Variants in ARHGEF39 observed in about 807,000 individuals in gnomAD.
ARHGEF39 encodes the protein Rho guanine nucleotide exchange factor 39.
In ARHGEF39, 45 loss-of-function variants were observed where a neutral mutation model predicts 47.5. The observed-to-expected ratio is 0.95, with a 90% confidence interval of 0.75 to 1.22. ARHGEF39 has a LOEUF of 1.22. Ranked by LOEUF, ARHGEF39 falls within the 50% of genes most tolerant of loss-of-function variation. The pLI is 0.00. For synonymous variants in ARHGEF39, 164 were observed against 167.8 expected, an observed-to-expected ratio of 0.98 and a Z score of 0.17; for missense variants, 411 against 425.3, an observed-to-expected ratio of 0.97 and a Z score of 0.30.
Position 35,661,459 on chromosome 9 carries a change from T to G in ARHGEF39, c.*528A>C. The G allele has an allele frequency of 6.4e-6, 3 of 469,036 alleles. No individual in the cohort carries two copies. The East Asian group carries it at 9.8e-5, about 15-fold the overall frequency. 29.1% of individuals were successfully genotyped at this position (469,036 alleles called of 1,614,324 possible). A position where few individuals can be genotyped will look rare whatever the true frequency, so the allele number is the denominator to read the frequency against. On this transcript the variant is annotated 3_prime_UTR_variant, in exon 9 of 9. Transcript: ENST00000378387. The stretch of plus-strand genomic sequence containing the variant: ...TTTCCCAAAAAAAAGAAAAAAAACT[T>G]TACTCAAATCCAGTGGAAAAATAAA...
intron 5 of ARHGEF39, 93 bp downstream of exon 5, chr9:35,663,229 T>C (rs761453065): frequency 9.0e-6 from 14 of 1,559,440 alleles, no homozygotes; most frequent in Non-Finnish European, 1.2e-5. Context: ...CAGTGGAAGA[T>C]AGGGTCATAC....
chr9:35,660,688 T>G lies in ARHGEF39; in HGVS notation c.*1299A>C, dbSNP rs761413390. The G allele has an allele frequency of 5.2e-5, 84 of 1,613,746 alleles. No homozygotes were observed. Among genetic ancestry groups the G allele is most frequent in the Non-Finnish European group, 6.9e-5 (81 of 1,179,794 alleles). On this transcript the variant is annotated 3_prime_UTR_variant, in exon 9 of 9. Transcript: ENST00000378387. ...ATTCTGTGAATTTTTGGGGAATTTG[T>G]GGCAGGAGGGAGGAATGGGGACATA... is the stretch of plus-strand genomic sequence containing the variant.
In ARHGEF39 at chr9:35,664,803, C is replaced by G. The variant is rs1274362927; in HGVS notation, c.186G>C (p.Glu62Asp). ...CCCAGGAGCCAAACAGGGCCTGGCG[C>G]TCAGGTGGTCGCAGGGTCCCCTTGG... is the stretch of plus-strand genomic sequence containing the variant. ...LKAKGTLRPP[E>D]RQALFGSWEL... Residue 62 changes from glutamate to aspartate, a missense_variant, in exon 2 of 9, where the codon GAG becomes GAC. Transcript: ENST00000378387. The G allele has an allele frequency of 6.2e-7, 1 of 1,612,418 alleles. No homozygotes were observed. The highest frequency in any genetic ancestry group is 1.7e-5 in the Admixed American group (1 of 60,034).
rs2131825839 is a variant in ARHGEF39, at chr9:35,664,079, C to T, written c.402G>A (p.Gln134=). The change falls in exon 4 of 9, where the codon CAG becomes CAA. Residue 134 remains glutamine, a synonymous_variant. Transcript: ENST00000378387. ...GGCCCCCAAACTCAGGGCGGCCTTCCTGAAGCCGTACAAACCTCCGGAAAC... is the reference window on the plus strand; with the variant it reads ...GGCCCCCAAACTCAGGGCGGCCTTCTTGAAGCCGTACAAACCTCCGGAAAC... ...NKGFRRFVRL[Q]EGRPEFGGLQ... 1.2e-6 allele frequency: 2 copies of T among 1,614,106 alleles called. No individual in the cohort carries two copies. Among genetic ancestry groups the T allele is most frequent in the South Asian group, 2.2e-5 (2 of 91,068 alleles).
chr9:35,664,823 C>T lies in ARHGEF39; in HGVS notation c.166G>A (p.Gly56Arg), dbSNP rs751034090. 29 of 1,611,096 alleles carry T rather than the reference C, an allele frequency of 1.8e-5. No homozygotes were observed. The highest frequency in any genetic ancestry group is 2.5e-5 in the Non-Finnish European group (29 of 1,179,986). ...TGGCGCTCAGGTGGTCGCAGGGTCC[C>T]CTTGGCTTTCAGGATCCCCAAAAAG... is the stretch of plus-strand genomic sequence containing the variant. ...TYFLGILKAK[G>R]TLRPPERQAL... Residue 56 changes from glycine to arginine, a missense_variant, in exon 2 of 9, where the codon GGG (glycine) becomes AGG (arginine). Transcript: ENST00000378387.
chr9:35,662,044 C>A, intron 8 of ARHGEF39, 42 bp from the exon 9 acceptor site: 1 of 1,612,896 alleles, frequency 6.2e-7, no homozygotes, highest in Non-Finnish European at 8.5e-7. Context: ...GGTATGAGTG[C>A]TTTATTCAGA....
intron 2 of ARHGEF39, 124 bp from the exon 3 acceptor site, chr9:35,664,616 C>A: frequency 6.8e-7 from 1 of 1,479,302 alleles, no homozygotes. Context: ...AGAACAAGGG[C>A]ATGCTAAGGC....
Position 35,662,582 on chromosome 9 carries a change from T to C in ARHGEF39, c.833A>G (p.Tyr278Cys), listed in dbSNP as rs1187750210. ...GCTGAGATGACACTGGGCCATGGGG[T>C]AGAGGGCCTTGCAGGCAAAGGTGCC... ...RSGTFACKAL[Y>C]PMAQCHLSRV... The change falls in exon 7 of 9, where the codon TAC becomes TGC. Residue 278 changes from tyrosine to cysteine, a missense_variant. By Grantham distance (194) the Tyr-to-Cys change is radical (BLOSUM62 -2). Coordinates refer to ENST00000378387, the MANE Select transcript of ARHGEF39 (RefSeq NM_032818.3). 1.2e-6 allele frequency: 2 copies of C among 1,613,926 alleles called. No individual in the cohort carries two copies. Among genetic ancestry groups the C allele is most frequent in the South Asian group, 1.1e-5 (1 of 91,064 alleles).
At chr9:35,664,918 A>C in intron 1 of ARHGEF39, 68 bp from the exon 2 acceptor site, 2 of 1,562,110 alleles carry the variant, frequency 1.3e-6, no homozygotes, top group Non-Finnish European at 1.7e-6. Flanking sequence ...CGCCCCCAGA[A>C]ACCGCAGAAG....
In ARHGEF39 at chr9:35,665,060, T is replaced by C. The variant is rs1448085622; in HGVS notation, c.110A>G (p.Tyr37Cys). Reference sequence around the variant, plus strand: ...GGCCACCAGCCCCAGCTGTTCTTGGTAGCGCCGCTCGGTCTCTAGCAGCTC... The same window carrying C: ...GGCCACCAGCCCCAGCTGTTCTTGGCAGCGCCGCTCGGTCTCTAGCAGCTC... The part of the protein sequence containing the change: ...ARELLETERR[Y>C]QEQLGLVATY... The change falls in exon 1 of 9, where the codon TAC becomes TGC. Residue 37 changes from tyrosine (Y) to cysteine (C), a missense_variant. Tyr to Cys is a radical substitution (Grantham distance 194). Transcript: ENST00000378387. The C allele has an allele frequency of 2.6e-6, 4 of 1,565,208 alleles. No individual in the cohort carries two copies. The highest frequency in any genetic ancestry group is 2.3e-5 in the East Asian group (1 of 43,284).
At position 35,660,869 on chromosome 9, in the gene ARHGEF39, G is replaced by C; in HGVS notation, c.*1118C>G. 6.2e-7 allele frequency: 1 copy of C among 1,614,134 alleles called. No individual in the cohort carries two copies. The highest frequency in any genetic ancestry group is 8.5e-7 in the Non-Finnish European group (1 of 1,180,032). Reference sequence around the variant, plus strand: ...AGGCTTCAGAACCAGGTGAAGGCTCGGGAGGCGAGTCTGCTGGAGGTGGAG... The same window carrying C: ...AGGCTTCAGAACCAGGTGAAGGCTCCGGAGGCGAGTCTGCTGGAGGTGGAG... On this transcript the variant is annotated 3_prime_UTR_variant, in exon 9 of 9. Transcript: ENST00000378387.
chr9:35,660,921 C>T lies in ARHGEF39; in HGVS notation c.*1066G>A, dbSNP rs147969979. On this transcript the variant is annotated 3_prime_UTR_variant, in exon 9 of 9. Coordinates refer to ENST00000378387, the MANE Select transcript of ARHGEF39 (RefSeq NM_032818.3). ...CAAAGTCTCTGAAACTGGAACATTC[C>T]TGATCTCTCCCCACACAGAGGCCAG... 1.5e-5 allele frequency: 25 copies of T among 1,614,074 alleles called. No homozygotes were observed. The highest frequency in any genetic ancestry group is 2.1e-5 in the Non-Finnish European group (25 of 1,180,036).
chr9:35,664,500 G>A lies in ARHGEF39; in HGVS notation c.234-8C>T, dbSNP rs559455892. The stretch of plus-strand genomic sequence containing the variant: ...AGGTAGGGAAGCAGCTCCCTGTGTG[G>A]GCAAGGACAGCAAAAGGGCAGCTCT... On this transcript the variant is annotated splice_polypyrimidine_tract_variant and splice_region_variant and intron_variant, in intron 2 of 8. Transcript: ENST00000378387. The A allele has an allele frequency of 6.3e-7, 1 of 1,587,962 alleles. No individual in the cohort carries two copies. Among genetic ancestry groups the A allele is most frequent in the South Asian group, 1.1e-5 (1 of 87,292 alleles).
Position 35,660,675 on chromosome 9 carries a change from T to A in ARHGEF39, c.*1312A>T. The A allele has an allele frequency of 1.2e-6, 2 of 1,613,978 alleles. No homozygotes were observed. On this transcript the variant is annotated 3_prime_UTR_variant, in exon 9 of 9. Coordinates refer to ENST00000378387, the MANE Select transcript of ARHGEF39 (RefSeq NM_032818.3). The stretch of plus-strand genomic sequence containing the variant: ...GAGGAGAGCAATGATTCTGTGAATT[T>A]TTGGGGAATTTGTGGCAGGAGGGAG...
In ARHGEF39 at chr9:35,660,928, C is replaced by T; in HGVS notation, c.*1059G>A. On this transcript the variant is annotated 3_prime_UTR_variant, in exon 9 of 9. Coordinates refer to ENST00000378387, the MANE Select transcript of ARHGEF39 (RefSeq NM_032818.3). ...TCTGAAACTGGAACATTCCTGATCT[C>T]TCCCCACACAGAGGCCAGCAGACCT... is the stretch of plus-strand genomic sequence containing the variant. The T allele has an allele frequency of 5.0e-6, 8 of 1,614,200 alleles. No homozygotes were observed. Among genetic ancestry groups the T allele is most frequent in the Non-Finnish European group, 6.8e-6 (8 of 1,180,040 alleles).
chr9:35,665,020 C>A lies in ARHGEF39; in HGVS notation c.138+12G>T. On this transcript the variant is annotated intron_variant, in intron 1 of 8. Transcript: ENST00000378387. The stretch of plus-strand genomic sequence containing the variant: ...CCTGTCCTATAATGGGAGCGTGTGC[C>A]AGGTCCCCCACCGTGGCCACCAGCC... 1 of 1,546,314 alleles carries A rather than the reference C, an allele frequency of 6.5e-7. No individual in the cohort carries two copies. The highest frequency in any genetic ancestry group is 2.0e-5 in the Admixed American group (1 of 50,334).
rs201388388 is a variant in ARHGEF39, at chr9:35,662,202, G to A, written c.969C>T (p.Tyr323=). Residue 323 remains tyrosine (Y), a synonymous_variant, in exon 8 of 9, where the codon TAC becomes TAT. Transcript: ENST00000378387. ...ACCTGATAGCCCAAGTCAGACTGTGGTACCAGCGTGACAGCTCCTCCTGGT... is the reference window on the plus strand; with the variant it reads ...ACCTGATAGCCCAAGTCAGACTGTGATACCAGCGTGACAGCTCCTCCTGGT... ...STDQEELSRW[Y]HSLTWAISSQ... 20 of 1,614,164 alleles carry A rather than the reference G, an allele frequency of 1.2e-5. No homozygotes were observed. In the East Asian group the frequency reaches 3.6e-4, roughly 29 times the overall value.
chr9:35,662,449 G>A, intron 7 of ARHGEF39, 63 bp downstream of exon 7: 2 of 1,529,582 alleles, frequency 1.3e-6, no homozygotes, highest in African/African-American at 1.4e-5. Flanking sequence ...AGACCAGGGA[G>A]ATAAACCAGC....
chr9:35,664,430 TG>T lies in ARHGEF39; in HGVS notation c.295del (p.His99ThrfsTer23). On this transcript the variant is annotated frameshift_variant, in exon 3 of 9. Coordinates refer to ENST00000378387, the MANE Select transcript of ARHGEF39 (RefSeq NM_032818.3). LOFTEE classifies it high-confidence loss of function. ...AGCAAATTGGTTATAGAGCTCCAAGTGGCGGCAGAAGCCCTCCAGCCCTTGG... is the reference window on the plus strand; with the variant it reads ...AGCAAATTGGTTATAGAGCTCCAAGTGCGGCAGAAGCCCTCCAGCCCTTGG... ...WGQGLEGFCR[H>X]LELYNQFAAN... 6.2e-7 allele frequency: 1 copy of T among 1,611,038 alleles called. No homozygotes were observed. The highest frequency in any genetic ancestry group is 8.5e-7 in the Non-Finnish European group (1 of 1,177,836).
Sources: allele counts gnomAD v4.1 joint callset, GRCh38; gene constraint gnomAD v4.1.1; transcripts MANE v1.5; gene names NCBI Gene and HGNC (gene_info 2026-07-23, HGNC 2026-07-21).